The following CCDC150 variants were observed in gnomAD, a reference collection of about 807,000 sequenced individuals.
CCDC150 encodes the protein coiled-coil domain containing 150.
A neutral mutation model predicts 156.5 loss-of-function variants in CCDC150; 151 were observed. The ratio of observed to expected loss-of-function variants is 0.97; its 90% CI spans 0.85 to 1.10. CCDC150 has a LOEUF of 1.10. Ranked by LOEUF, CCDC150 falls within the 50% of genes least tolerant of loss-of-function variation. CCDC150 has a pLI of 0.00. For synonymous variants in CCDC150, 452 were observed against 429.4 expected (o/e 1.05, Z -0.65); for missense variants, 1,312 against 1,268.1 (o/e 1.03, Z -0.53).
rs529372880 is a variant in CCDC150, at chr2:196,714,438, C to T, written c.1866+1699C>T. ...GCCAATCCAAGACACTCTCCCTTTC[C>T]ATCTGAGACATGGTGGAAGCGGGAG... On this transcript the variant is annotated intron_variant, in intron 17 of 27. Transcript: ENST00000389175. 9.8e-5 allele frequency among the ~76,000 whole-genome samples: 15 copies of T among 152,308 alleles called. 1 individual carries two copies. In the East Asian group the frequency reaches 2.7e-3, roughly 27 times the overall value.
chr2:196,643,107 A>G (rs1044835945), intron 1 of CCDC150, among the ~76,000 whole-genome samples: 1 of 152,170 alleles, frequency 6.6e-6, no homozygotes, highest in Non-Finnish European at 1.5e-5. Context: ...TGTTTCAGCA[A>G]CTTTGATGAC....
At chr2:196,655,317 C>G (rs1365626234) in intron 2 of CCDC150, among the ~76,000 whole-genome samples, 2 of 152,150 alleles carry the variant, frequency 1.3e-5, no homozygotes, top group Non-Finnish European at 2.9e-5. Context: ...AATGCAGAGC[C>G]AAATCAGCTC....
At chr2:196,666,121 AAAAC>A (rs533961006) in intron 6 of CCDC150, among the ~76,000 whole-genome samples, 14 of 152,366 alleles carry the variant, frequency 9.2e-5, no homozygotes, top group Non-Finnish European at 1.8e-4. Context: ...ATCAATAAGT[AAAAC>A]AATCAGGACT....
chr2:196,685,085 T>C (rs1022835088), intron 13 of CCDC150, among the ~76,000 whole-genome samples: 1 of 152,084 alleles, frequency 6.6e-6, no homozygotes, highest in East Asian at 1.9e-4. Context: ...GCCATTTTGC[T>C]TTTTTTGTTT....
chr2:196,654,309 T>TTTA (rs200006759), intron 2 of CCDC150, among the ~76,000 whole-genome samples: 1 of 152,086 alleles, frequency 6.6e-6, no homozygotes, highest in East Asian at 1.9e-4. Flanking sequence ...AAGTTTTTTT[T>TTTA]TTATTATTAT....
At chr2:196,723,428 A>AGAGGTTGCAGT (rs754934101) in intron 21 of CCDC150, among the ~76,000 whole-genome samples, 1 of 152,126 alleles carries the variant, frequency 6.6e-6, no homozygotes, top group East Asian at 1.9e-4. Flanking sequence ...CCTGGGAGGC[A>AGAGGTTGCAGT]GAGGTTGCAG....
chr2:196,698,894 T>C lies in CCDC150; in HGVS notation c.1624-2215T>C, dbSNP rs533311498. ...TGTGATGTTCCCCTTCCTGTGTCCA[T>C]GTGTTCTCATTGTTCAATTCTTGTA... On this transcript the variant is annotated intron_variant, in intron 14 of 27. Transcript: ENST00000389175. 5.9e-5 allele frequency among the ~76,000 whole-genome samples: 9 copies of C among 152,252 alleles called. No homozygotes were observed. The East Asian group carries it at 1.7e-3, about 29-fold the overall frequency.
rs1694106063 is a variant in CCDC150, at chr2:196,669,993, G to A, written c.936+117G>A. 7.7e-6 allele frequency: 5 copies of A among 653,034 alleles called. No individual in the cohort carries two copies. The East Asian group carries it at 1.1e-4, about 14-fold the overall frequency. The allele number at this position is 653,034 out of a possible 1,614,324, so 40.5% of individuals were successfully genotyped here. A position where few individuals can be genotyped will look rare whatever the true frequency, so the allele number is the denominator to read the frequency against. On this transcript the variant is annotated intron_variant, in intron 8 of 27. Transcript: ENST00000389175. ...CTCTCATCAAAGTTTTATTTAAAAA[G>A]TTTCATGTAAATGAGTAGTATATTT... is the stretch of plus-strand genomic sequence containing the variant.
chr2:196,656,375 G>T (rs888553326), intron 2 of CCDC150, among the ~76,000 whole-genome samples: 5 of 151,612 alleles, frequency 3.3e-5, no homozygotes, highest in African/African-American at 1.2e-4. Context: ...TATTTTCTCA[G>T]TTGCCGGATA....
chr2:196,717,878 GA>G (rs1697631019), intron 17 of CCDC150, among the ~76,000 whole-genome samples: 1 of 99,702 alleles, frequency 1.0e-5, no homozygotes, highest in Non-Finnish European at 2.2e-5. Flanking sequence ...ATGACAGAGC[GA>G]AATTCAGTCT....
intron 22 of CCDC150, chr2:196,727,423 A>C (rs1254191518): frequency 1.3e-5 from 2 of 152,156 alleles, no homozygotes; most frequent in African/African-American, 2.4e-5. Context: ...AAGAAAAAGA[A>C]AAAAATTATC....
intron 1 of CCDC150, among the ~76,000 whole-genome samples, chr2:196,641,611 C>G (rs1184980468): frequency 4.6e-5 from 7 of 152,158 alleles, no homozygotes; most frequent in Non-Finnish European, 1.0e-4. Context: ...TAGTGTCTGT[C>G]TTCTTCAGCT....
intron 14 of CCDC150, among the ~76,000 whole-genome samples, chr2:196,697,746 G>A (rs944554864): frequency 7.2e-5 from 11 of 152,118 alleles, no homozygotes; most frequent in African/African-American, 2.7e-4. Flanking sequence ...GCTTTACCAA[G>A]ATGCCAGTAT....
At chr2:196,682,761 G>A (rs890394288) in intron 13 of CCDC150, among the ~76,000 whole-genome samples, 1 of 152,046 alleles carries the variant, frequency 6.6e-6, no homozygotes, top group African/African-American at 2.4e-5. Flanking sequence ...TTCACTTGAA[G>A]TTGCAGTCTC....
intron 4 of CCDC150, among the ~76,000 whole-genome samples, chr2:196,658,236 A>G (rs1410262300): frequency 6.6e-6 from 1 of 152,098 alleles, no homozygotes; most frequent in African/African-American, 2.4e-5. Flanking sequence ...GCATTTTGAA[A>G]GGAAAGAGGA....
rs1693871804 is a variant in CCDC150, at chr2:196,666,832, G to A, written c.876G>A (p.Gln292=). The A allele has an allele frequency of 6.2e-7, 1 of 1,613,076 alleles. No individual in the cohort carries two copies. The highest frequency in any genetic ancestry group is 1.3e-5 in the African/African-American group (1 of 74,810). The change falls in exon 7 of 28, where the codon CAG becomes CAA. Residue 292 remains glutamine, a synonymous_variant. Transcript: ENST00000389175. The stretch of plus-strand genomic sequence containing the variant: ...AAGAGTTGGAGATTGCTACTTCACA[G>A]CTCAAATCTGATCTAAGTATGAAAA... ...KKEELEIATS[Q]LKSDLTSRDD...
chr2:196,649,535 C>T (rs1004128568), intron 2 of CCDC150, among the ~76,000 whole-genome samples: 3 of 152,112 alleles, frequency 2.0e-5, no homozygotes, highest in Non-Finnish European at 2.9e-5. Flanking sequence ...AGCCTAGGTA[C>T]GGAGAGGGCT....
rs78591448 is a variant in CCDC150, at chr2:196,681,050, A to G, written c.1509+3689A>G. On this transcript the variant is annotated intron_variant, in intron 13 of 27. Transcript: ENST00000389175. The stretch of plus-strand genomic sequence containing the variant: ...TGTGGTGCCACCACTGCCTCTGTCT[A>G]GATTCAAAATATTTTCATCACCCCA... Among the ~76,000 whole-genome samples, 856 of 152,298 alleles carry G rather than the reference A, an allele frequency of 5.6e-3. 9 individuals carry two copies. Among genetic ancestry groups the G allele is most frequent in the African/African-American group, 0.02 (823 of 41,552 alleles).
intron 17 of CCDC150, among the ~76,000 whole-genome samples, chr2:196,715,833 G>A (rs6761349): frequency 0.091 from 13,801 of 152,032 alleles, 792 homozygotes; most frequent in African/African-American, 0.17. Context: ...TCAAAAGCAT[G>A]ATCCATAAAG....
Sources: gnomAD v4.1 joint callset for allele counts (sites outside exome capture counted in the v4.1 genomes callset) on GRCh38, gnomAD v4.1.1 for gene constraint, MANE v1.5 for transcripts, NCBI Gene and HGNC (gene_info 2026-07-23, HGNC 2026-07-21) for gene names.